Variants in SPAST observed in about 807,000 individuals in gnomAD.
SPAST encodes spastic paraplegia 4 (autosomal dominant; spastin).
In SPAST, 30 loss-of-function variants were observed where a neutral mutation model predicts 76.6. The ratio of observed to expected loss-of-function variants is 0.39; its 90% CI spans 0.29 to 0.53. The LOEUF is 0.53. Among genes scored for constraint, SPAST ranks in the 20% least tolerant of loss-of-function variants. The pLI is 0.68. For synonymous variants in SPAST, 305 were observed against 281.0 expected, an observed-to-expected ratio of 1.09 and a Z score of -0.86; for missense variants, 717 against 770.5, an observed-to-expected ratio of 0.93 and a Z score of 0.82.
At chr2:32,135,239 C>T (rs1679499235) in intron 9 of SPAST, among the ~76,000 whole-genome samples, 1 of 151,598 alleles carries the variant, frequency 6.6e-6, no homozygotes, top group Non-Finnish European at 1.5e-5. Flanking sequence ...ACGCCATTCT[C>T]CTGCCTCAGC....
chr2:32,115,210 A>C (rs536914995), intron 5 of SPAST, among the ~76,000 whole-genome samples: 277 of 152,234 alleles, frequency 1.8e-3, no homozygotes, highest in Non-Finnish European at 3.4e-3. Flanking sequence ...AGCCTCCCAA[A>C]GTACTGGGAT....
At chr2:32,087,684 C>CT in intron 2 of SPAST, 106 bp downstream of exon 2, 1 of 297,516 alleles carries the variant, frequency 3.4e-6, no homozygotes, top group South Asian at 7.1e-5. Context: ...TCTTTCTTTT[C>CT]TTTTCTTTTC....
intron 4 of SPAST, among the ~76,000 whole-genome samples, chr2:32,113,845 G>A (rs1678715938): frequency 6.6e-6 from 1 of 152,018 alleles, no homozygotes; most frequent in African/African-American, 2.4e-5. Flanking sequence ...GGGATTACAG[G>A]TGTGAGCCAT....
chr2:32,094,767 C>T (rs767280541), intron 3 of SPAST, among the ~76,000 whole-genome samples: 4 of 152,146 alleles, frequency 2.6e-5, no homozygotes, highest in African/African-American at 4.8e-5. Flanking sequence ...GTCAGGAGTT[C>T]GAGACCAGCC....
At chr2:32,151,912 CAAA>C (rs945690146) in intron 16 of SPAST, among the ~76,000 whole-genome samples, 2 of 92,394 alleles carry the variant, frequency 2.2e-5, no homozygotes, top group African/African-American at 4.1e-5. Flanking sequence ...ACTCCATCTC[CAAA>C]AAAAAAAAAA....
At chr2:32,084,714 C>T (rs940024372) in intron 1 of SPAST, among the ~76,000 whole-genome samples, 3 of 151,032 alleles carry the variant, frequency 2.0e-5, no homozygotes, top group East Asian at 2.0e-4. Flanking sequence ...GGTGAAACCC[C>T]GTCTCTACTA....
rs112410719 is a variant in SPAST at position 32,145,036 on chromosome 2, G to C, written c.1687+29G>C. The C allele has an allele frequency of 1.5e-3, 2,237 of 1,529,888 alleles. 23 individuals are homozygous for C. The African/African-American group carries it at 0.018, about 12-fold the overall frequency. 94.8% of individuals were successfully genotyped at this position (1,529,888 alleles called of 1,614,324 possible). ...GGTATACAAGAGCTTAAAACATTTA[G>C]AACTATTTATTATACCACCTTAGAA... is the stretch of plus-strand genomic sequence containing the variant. On this transcript the variant is annotated intron_variant, in intron 15 of 16. Transcript: ENST00000315285.
chr2:32,111,391 A>G (rs1404247457), intron 4 of SPAST, among the ~76,000 whole-genome samples: 1 of 148,442 alleles, frequency 6.7e-6, no homozygotes, highest in African/African-American at 2.5e-5. Flanking sequence ...TGTATAGCGT[A>G]TAGAGTATAT....
At chr2:32,141,086 C>T (rs867833291) in intron 12 of SPAST, among the ~76,000 whole-genome samples, 1 of 151,684 alleles carries the variant, frequency 6.6e-6, no homozygotes, top group South Asian at 2.1e-4. Flanking sequence ...CTTGAGTAGT[C>T]CATGTATACA....
chr2:32,075,798 C>G (rs1676936593), intron 1 of SPAST, among the ~76,000 whole-genome samples: 1 of 150,416 alleles, frequency 6.6e-6, no homozygotes, highest in Non-Finnish European at 1.5e-5. Flanking sequence ...AAGTGATCCC[C>G]CCTCCTTGGC....
chr2:32,077,807 A>G (rs1677025324), intron 1 of SPAST: 1 of 152,232 alleles, frequency 6.6e-6, no homozygotes, highest in Non-Finnish European at 1.5e-5. Flanking sequence ...GATGAATATC[A>G]GCATTTCTGT....
intron 9 of SPAST, among the ~76,000 whole-genome samples, chr2:32,136,208 T>G (rs1679531709): frequency 6.6e-6 from 1 of 152,246 alleles, no homozygotes; most frequent in Non-Finnish European, 1.5e-5. Context: ...AAATATACCG[T>G]GTAATCTAGG....
At chr2:32,137,231 A>C in intron 12 of SPAST, 43 bp downstream of exon 12, 2 of 1,323,394 alleles carry the variant, frequency 1.5e-6, no homozygotes, top group Non-Finnish European at 2.2e-6. Context: ...ATTACAGACA[A>C]TATTTACTCA....
chr2:32,081,107 C>T (rs1000990656), intron 1 of SPAST, among the ~76,000 whole-genome samples: 17 of 151,960 alleles, frequency 1.1e-4, no homozygotes, highest in African/African-American at 2.2e-4. Flanking sequence ...AACAGGCGTG[C>T]GCCACCACGC....
chr2:32,132,988 G>A (rs904038729), intron 9 of SPAST, among the ~76,000 whole-genome samples: 13 of 152,082 alleles, frequency 8.5e-5, no homozygotes, highest in African/African-American at 3.1e-4. Flanking sequence ...GGAGGTTGCG[G>A]TGAGCCGAGA....
chr2:32,110,104 G>GTTTTTTTTTTTT, intron 4 of SPAST, among the ~76,000 whole-genome samples: 1 of 135,506 alleles, frequency 7.4e-6, no homozygotes, highest in Admixed American at 7.5e-5. Flanking sequence ...AGTTTTTTTT[G>GTTTTTTTTTTTT]TTTTTTTTTT....
intron 3 of SPAST, among the ~76,000 whole-genome samples, chr2:32,096,812 T>C (rs559487742): frequency 6.6e-6 from 1 of 152,062 alleles, no homozygotes; most frequent in Middle Eastern, 3.4e-3. Context: ...AGACAAAGGG[T>C]TTCTGTCTCA....
At chr2:32,147,344 G>GTGT in intron 16 of SPAST, 86 bp downstream of exon 16, 2 of 266,508 alleles carry the variant, frequency 7.5e-6, no homozygotes, top group Admixed American at 8.4e-5. Flanking sequence ...GTGTGTGTGT[G>GTGT]GTTTTTTTTT....
chr2:32,118,426 A>G (rs1678913991), intron 7 of SPAST, among the ~76,000 whole-genome samples: 5 of 152,238 alleles, frequency 3.3e-5, no homozygotes, highest in Admixed American at 2.6e-4. Flanking sequence ...TTATTAAAAT[A>G]GAAAGCATTT....
Sources: gnomAD v4.1 joint callset for allele counts (sites outside exome capture counted in the v4.1 genomes callset) on GRCh38, gnomAD v4.1.1 for gene constraint, MANE v1.5 for transcripts, NCBI Gene and HGNC (gene_info 2026-07-23, HGNC 2026-07-21) for gene names.